Variants in C10orf67 observed in about 807,000 individuals in gnomAD.
C10orf67 encodes the protein uncharacterized protein C10orf67, mitochondrial.
A neutral mutation model predicts 35.6 loss-of-function variants in C10orf67; 60 were observed. That is an observed-to-expected ratio of 1.68 (90% CI 1.37 to 2.09). The LOEUF is 2.09. Among genes scored for constraint, C10orf67 ranks in the 30% most tolerant of loss-of-function variants. The pLI is 0.00. For synonymous variants in C10orf67, 167 were observed against 115.8 expected, an observed-to-expected ratio of 1.44 and a Z score of -2.84; for missense variants, 474 against 330.2, an observed-to-expected ratio of 1.44 and a Z score of -3.38.
intron 2 of C10orf67, among the ~76,000 whole-genome samples, chr10:23,324,993 G>A (rs1351593315): frequency 2.6e-5 from 4 of 151,868 alleles, no homozygotes; most frequent in Non-Finnish European, 5.9e-5. Context: ...GTTTGGGTGG[G>A]GTCCCAGGTG....
In C10orf67 at chr10:23,298,726, C is replaced by T. The variant is rs533043652; in HGVS notation, c.702+4578G>A. Among the ~76,000 whole-genome samples, 5 of 152,322 alleles carry T rather than the reference C, an allele frequency of 3.3e-5. No homozygotes were observed. In the East Asian group the frequency reaches 9.6e-4, roughly 29 times the overall value. Reference sequence around the variant, plus strand: ...ATAATTTTAGCCCTAAGTATTTAACCTGCTGTGAGCAGAGCTGAGCTTTTG... The same window carrying T: ...ATAATTTTAGCCCTAAGTATTTAACTTGCTGTGAGCAGAGCTGAGCTTTTG... On this transcript the variant is annotated intron_variant, in intron 5 of 15. Transcript: ENST00000636213.
chr10:23,327,644 GTGAAAC>G (rs1845249847), intron 2 of C10orf67, among the ~76,000 whole-genome samples: 1 of 152,078 alleles, frequency 6.6e-6, no homozygotes, highest in South Asian at 2.1e-4. Context: ...GGCCAACATG[GTGAAAC>G]CCCATCTCTA....
In C10orf67 at chr10:23,241,111, G is replaced by A. The variant is rs186437473; in HGVS notation, c.1347-1295C>T. Reference sequence around the variant, plus strand: ...AGCCCAGGCCTTGAAACCTAATGGCGTTATGCTGAAACAATTTCAAAATTG... The same window carrying A: ...AGCCCAGGCCTTGAAACCTAATGGCATTATGCTGAAACAATTTCAAAATTG... On this transcript the variant is annotated intron_variant, in intron 12 of 15. Transcript: ENST00000636213. 3.1e-3 allele frequency among the ~76,000 whole-genome samples: 470 copies of A among 152,306 alleles called. 4 individuals carry two copies. The highest frequency in any genetic ancestry group is 0.011 in the African/African-American group (446 of 41,548).
intron 1 of C10orf67, among the ~76,000 whole-genome samples, chr10:23,341,718 C>A (rs1038133638): frequency 6.6e-6 from 1 of 152,182 alleles, no homozygotes; most frequent in African/African-American, 2.4e-5. Flanking sequence ...GGCCTCCTTG[C>A]TGCTCCTAGG....
At chr10:23,304,551 T>C in intron 4 of C10orf67, among the ~76,000 whole-genome samples, 1 of 152,144 alleles carries the variant, frequency 6.6e-6, no homozygotes, top group Non-Finnish European at 1.5e-5. Context: ...TCAGCCATGG[T>C]CCAGGAGCAG....
At chr10:23,287,621 G>A (rs553318688) in intron 7 of C10orf67, among the ~76,000 whole-genome samples, 49 of 152,138 alleles carry the variant, frequency 3.2e-4, no homozygotes, top group Middle Eastern at 3.4e-3. Flanking sequence ...CAAAATTGAC[G>A]AATGGGATCT....
At chr10:23,241,503 G>A (rs893055895) in intron 12 of C10orf67, among the ~76,000 whole-genome samples, 2 of 152,324 alleles carry the variant, frequency 1.3e-5, no homozygotes, top group African/African-American at 2.4e-5. Flanking sequence ...AAGGTTGACT[G>A]TAGTAGAGTG....
At chr10:23,229,520 C>T (rs889335460) in intron 13 of C10orf67, among the ~76,000 whole-genome samples, 7 of 151,804 alleles carry the variant, frequency 4.6e-5, no homozygotes, top group African/African-American at 1.5e-4. Flanking sequence ...CAACATGGCA[C>T]ATGTATACAT....
intron 12 of C10orf67, among the ~76,000 whole-genome samples, chr10:23,241,698 G>A (rs910644802): frequency 1.3e-5 from 2 of 152,000 alleles, no homozygotes; most frequent in African/African-American, 4.8e-5. Context: ...GAAGCAGGAG[G>A]ATCAGAGTAG....
chr10:23,231,988 C>T lies in C10orf67; in HGVS notation c.1434+7741G>A, dbSNP rs1841925426. On this transcript the variant is annotated intron_variant, in intron 13 of 15. Transcript: ENST00000636213. ...ACAACATACCGCTTAGAACTACATG[C>T]ACAAGTGATAAAACTATGAAGAAAA... Among the ~76,000 whole-genome samples the T allele has an allele frequency of 2.0e-5, 3 of 152,202 alleles. No homozygotes were observed. In the South Asian group the frequency reaches 6.2e-4, roughly 32 times the overall value.
intron 15 of C10orf67, among the ~76,000 whole-genome samples, chr10:23,217,087 G>T (rs1423809662): frequency 6.6e-6 from 1 of 152,060 alleles, no homozygotes; most frequent in Admixed American, 6.5e-5. Context: ...GCTTACATTT[G>T]TGTAGAATTT....
At chr10:23,318,774 C>T in intron 4 of C10orf67, 1 of 669,744 alleles carries the variant, frequency 1.5e-6, no homozygotes, top group Non-Finnish European at 2.7e-6. Flanking sequence ...GGGTTGTTAT[C>T]TCATGAATAA....
chr10:23,284,336 C>T (rs116444367), intron 7 of C10orf67, among the ~76,000 whole-genome samples: 159 of 152,006 alleles, frequency 1.0e-3, no homozygotes, highest in African/African-American at 3.6e-3. Flanking sequence ...CCCTGTCAGG[C>T]TTTATGCATT....
intron 15 of C10orf67, among the ~76,000 whole-genome samples, chr10:23,209,328 A>C (rs1653220926): frequency 6.6e-6 from 1 of 152,066 alleles, no homozygotes; most frequent in South Asian, 2.1e-4. Flanking sequence ...GAGCCTGAGA[A>C]GGGTGCTCTG....
chr10:23,269,383 G>A (rs757800354), intron 8 of C10orf67, among the ~76,000 whole-genome samples: 14 of 152,104 alleles, frequency 9.2e-5, no homozygotes, highest in South Asian at 2.1e-4. Context: ...TCACTAGAGC[G>A]CCTGCTATAA....
intron 12 of C10orf67, among the ~76,000 whole-genome samples, chr10:23,243,101 A>C (rs988947295): frequency 1.3e-5 from 2 of 152,210 alleles, no homozygotes; most frequent in Non-Finnish European, 2.9e-5. Flanking sequence ...GCATTACTAA[A>C]GATAAAAGCA....
chr10:23,221,522 C>T (rs991099368), intron 15 of C10orf67, among the ~76,000 whole-genome samples: 4 of 152,270 alleles, frequency 2.6e-5, no homozygotes, highest in East Asian at 3.9e-4. Flanking sequence ...AAAGTACTTT[C>T]GGAGCTTGGA....
At chr10:23,304,772 C>T (rs570432709) in intron 4 of C10orf67, among the ~76,000 whole-genome samples, 122 of 152,262 alleles carry the variant, frequency 8.0e-4, no homozygotes, top group African/African-American at 2.9e-3. Flanking sequence ...AATACACACT[C>T]ATCTGTGTGT....
At chr10:23,240,339 G>T (rs972534530) in intron 12 of C10orf67, among the ~76,000 whole-genome samples, 4 of 152,118 alleles carry the variant, frequency 2.6e-5, no homozygotes, top group African/African-American at 9.7e-5. Context: ...ATAATTCAGG[G>T]CATTTTTCAG....
Sources: allele counts gnomAD v4.1 joint callset (sites outside exome capture counted in the v4.1 genomes callset), GRCh38; gene constraint gnomAD v4.1.1; transcripts MANE v1.5; gene names NCBI Gene and HGNC (gene_info 2026-07-23, HGNC 2026-07-21).